OSBPL3: variants seen among roughly 807,000 people sequenced by gnomAD.
The protein encoded by OSBPL3 is oxysterol-binding protein-related protein 3.
In OSBPL3, 65 loss-of-function variants were observed where a neutral mutation model predicts 120.1. The ratio of observed to expected loss-of-function variants is 0.54; its 90% CI spans 0.44 to 0.67. The LOEUF (loss-of-function observed/expected upper bound fraction) is 0.67, where lower values mean the gene tolerates loss of function less well. Ranked by LOEUF, OSBPL3 falls within the 30% of genes least tolerant of loss-of-function variation. The pLI is 0.00. For synonymous variants in OSBPL3, 416 were observed against 402.6 expected, an observed-to-expected ratio of 1.03 and a Z score of -0.40; for missense variants, 1,004 against 1,082.1, an observed-to-expected ratio of 0.93 and a Z score of 1.01.
intron 20 of OSBPL3, among the ~76,000 whole-genome samples, chr7:24,809,355 C>T (rs914655849): frequency 6.6e-6 from 1 of 152,164 alleles, no homozygotes; most frequent in Admixed American, 6.5e-5. Flanking sequence ...TCTGGAATCA[C>T]AGGAGTGATG....
In OSBPL3 at chr7:24,830,791, C is replaced by G. The variant is rs752641287; in HGVS notation, c.1861G>C (p.Gly621Arg). Residue 621 changes from glycine (G) to arginine (R), a missense_variant, in exon 16 of 23, where the codon GGC becomes CGC. Gly to Arg is a moderately radical substitution (Grantham distance 125). This residue lies in a region of OSBPL3 where 473 missense variants were observed against 568.0 expected (regional missense o/e 0.83). Coordinates refer to ENST00000313367, the MANE Select transcript of OSBPL3 (RefSeq NM_015550.4). This position sits in a 1 kb window ranked among gnomAD's most constrained non-coding sequence, Gnocchi z 4.4. ...ETYECIREDK[G>R]FQFFSEQVSH... is the part of the protein sequence containing the mutation. ...ACCTGTTCTGAAAAAAACTGGAAGC[C>G]CTTGTCCTCCCGAATACATTCATAT... 9 of 1,612,844 alleles carry G rather than the reference C, an allele frequency of 5.6e-6. No individual in the cohort carries two copies. In the African/African-American group the frequency reaches 1.1e-4, roughly 19 times the overall value.
At chr7:24,893,016 G>A (rs1242687719) in intron 1 of OSBPL3, among the ~76,000 whole-genome samples, 3 of 152,144 alleles carry the variant, frequency 2.0e-5, no homozygotes, top group Non-Finnish European at 4.4e-5. Context: ...CATTGCTGGT[G>A]GAACTGTAAA....
intron 16 of OSBPL3, among the ~76,000 whole-genome samples, chr7:24,829,678 G>A (rs1796139857): frequency 6.6e-6 from 1 of 152,098 alleles, no homozygotes; most frequent in African/African-American, 2.4e-5. Flanking sequence ...GAGTGGACGT[G>A]TTTGATTGCT....
In OSBPL3 at chr7:24,852,694, G is replaced by GA. The variant is rs1799309996; in HGVS notation, c.1028-61dup. ...GAGGCATAATTAAAAACAAAATACA[G>GA]AAAAAAACATATCTCTTATAAAAGA... On this transcript the variant is annotated intron_variant, in intron 10 of 22. Transcript: ENST00000313367. The surrounding 1 kb of genome is among the most constrained non-coding windows in gnomAD (Gnocchi z 4.1). 9.0e-7 allele frequency: 1 copy of GA among 1,117,238 alleles called. No homozygotes were observed. The allele number at this position is 1,117,238 out of a possible 1,614,324, so 69.2% of individuals were successfully genotyped here.
chr7:24,884,769 C>T (rs1289573030), intron 2 of OSBPL3, among the ~76,000 whole-genome samples: 1 of 152,168 alleles, frequency 6.6e-6, no homozygotes, highest in Non-Finnish European at 1.5e-5. Flanking sequence ...AACTTATAAA[C>T]AGCCGGAGAT....
At position 24,942,467 on chromosome 7, in the gene OSBPL3, G is replaced by A. The variant is rs527584586; in HGVS notation, c.-150+37419C>T. Among the ~76,000 whole-genome samples, 213 of 145,860 alleles carry A rather than the reference G, an allele frequency of 1.5e-3. 1 individual carries two copies. The highest frequency in any genetic ancestry group is 4.6e-3 in the African/African-American group (180 of 38,996). ...CTTCACGGGCCTCTTCTCTGTCATG[G>A]TAATCCATGCATTCCACGCTGATCA... On this transcript the variant is annotated intron_variant, in intron 1 of 22. Coordinates refer to ENST00000313367, the MANE Select transcript of OSBPL3 (RefSeq NM_015550.4).
chr7:24,890,403 C>T (rs916803387), intron 2 of OSBPL3, among the ~76,000 whole-genome samples: 2 of 152,212 alleles, frequency 1.3e-5, no homozygotes, highest in South Asian at 4.1e-4. Flanking sequence ...GTGAGGAAAG[C>T]TTCAAAGGTT....
intron 1 of OSBPL3, among the ~76,000 whole-genome samples, chr7:24,978,246 T>TA (rs1182118320): frequency 6.6e-6 from 1 of 152,236 alleles, no homozygotes; most frequent in East Asian, 1.9e-4. Context: ...TTCCCAACAG[T>TA]AAAAAAAGGA....
rs1811857903 is a variant in OSBPL3 at position 24,932,069 on chromosome 7, G to C, written c.-149-39448C>G. The stretch of plus-strand genomic sequence containing the variant: ...TGAATGATAATCTCTCCTTAACAAA[G>C]GCCAGAGGGCTTTCCCTACAGACTG... On this transcript the variant is annotated intron_variant, in intron 1 of 22. Transcript: ENST00000313367. This position sits in a 1 kb window ranked among gnomAD's most constrained non-coding sequence, Gnocchi z 5.6. 1.3e-5 allele frequency among the ~76,000 whole-genome samples: 2 copies of C among 151,854 alleles called. No individual in the cohort carries two copies. Among genetic ancestry groups the C allele is most frequent in the Admixed American group, 1.3e-4 (2 of 15,270 alleles).
At chr7:24,906,465 G>A (rs903184007) in intron 1 of OSBPL3, 1 of 201,012 alleles carries the variant, frequency 5.0e-6, no homozygotes, top group South Asian at 7.9e-5. Context: ...GCTCTGAGCT[G>A]CTCTTCCACC....
intron 2 of OSBPL3, among the ~76,000 whole-genome samples, chr7:24,890,509 T>G (rs1805185375): frequency 6.6e-6 from 1 of 152,130 alleles, no homozygotes; most frequent in African/African-American, 2.4e-5. Flanking sequence ...ACCCCGTGGA[T>G]GGAAACACTA....
In OSBPL3 at chr7:24,936,880, A is replaced by C. The variant is rs554151404; in HGVS notation, c.-150+43006T>G. On this transcript the variant is annotated intron_variant, in intron 1 of 22. Transcript: ENST00000313367. This position sits in a 1 kb window ranked among gnomAD's most constrained non-coding sequence, Gnocchi z 4.2. ...GTTGGAATGAGAGAATGGAATAGGAAGATAAATTATTGAGCTCTTAAAACT... is the reference window on the plus strand; with the variant it reads ...GTTGGAATGAGAGAATGGAATAGGACGATAAATTATTGAGCTCTTAAAACT... 3.3e-5 allele frequency among the ~76,000 whole-genome samples: 5 copies of C among 152,374 alleles called. No homozygotes were observed. In the East Asian group the frequency reaches 9.6e-4, roughly 29 times the overall value.
intron 1 of OSBPL3, among the ~76,000 whole-genome samples, chr7:24,934,362 G>C (rs1812132822): frequency 6.6e-6 from 1 of 151,954 alleles, no homozygotes; most frequent in Non-Finnish European, 1.5e-5. Context: ...ATAATAGCCG[G>C]GAATAGAACA....
rs913880455 is a variant in OSBPL3 at position 24,916,924 on chromosome 7, C to A, written c.-149-24303G>T. 2.6e-5 allele frequency among the ~76,000 whole-genome samples: 4 copies of A among 151,612 alleles called. No homozygotes were observed. Among genetic ancestry groups the A allele is most frequent in the African/African-American group, 4.9e-5 (2 of 41,178 alleles). ...TAAGACGTCTTCCATTTCCACCCCC[C>A]CCAACCTTTTTAGAAAATTAAATAA... On this transcript the variant is annotated intron_variant, in intron 1 of 22. Transcript: ENST00000313367. This position sits in a 1 kb window ranked among gnomAD's most constrained non-coding sequence, Gnocchi z 4.9.
rs750742222 is a variant in OSBPL3 at position 24,809,942 on chromosome 7, A to G, written c.2182T>C (p.Trp728Arg). 1.2e-6 allele frequency: 2 copies of G among 1,614,182 alleles called. No individual in the cohort carries two copies. Among genetic ancestry groups the G allele is most frequent in the South Asian group, 1.1e-5 (1 of 91,090 alleles). The change falls in exon 20 of 23, where the codon TGG becomes CGG. Residue 728 changes from tryptophan (W) to arginine (R), a missense_variant. Transcript: ENST00000313367. ...TCAATCTCATGGGCATTAGTGCTCCAGTATTTTGCCTAGGATTCAAATGAG... is the reference window on the plus strand; with the variant it reads ...TCAATCTCATGGGCATTAGTGCTCCGGTATTTTGCCTAGGATTCAAATGAG... The part of the protein sequence containing the change: ...CKVNFIKAKY[W>R]STNAHEIEGT...
intron 1 of OSBPL3, among the ~76,000 whole-genome samples, chr7:24,915,121 G>T (rs1011054400): frequency 1.2e-4 from 18 of 152,150 alleles, no homozygotes; most frequent in Non-Finnish European, 2.5e-4. Context: ...CAGGGAGAGA[G>T]AATGAGAAAT....
rs1802358218 is a variant in OSBPL3, at chr7:24,872,829, C to T, written c.97-760G>A. 1.3e-5 allele frequency among the ~76,000 whole-genome samples: 2 copies of T among 152,006 alleles called. No individual in the cohort carries two copies. The highest frequency in any genetic ancestry group is 1.5e-5 in the Non-Finnish European group (1 of 68,008). ...GAATTTTAAAAGAAATAGAAGAACACTAAAAGTTCTGAAAATTTACTTTTA... is the reference window on the plus strand; with the variant it reads ...GAATTTTAAAAGAAATAGAAGAACATTAAAAGTTCTGAAAATTTACTTTTA... On this transcript the variant is annotated intron_variant, in intron 2 of 22. Coordinates refer to ENST00000313367, the MANE Select transcript of OSBPL3 (RefSeq NM_015550.4). The surrounding 1 kb of genome is among the most constrained non-coding windows in gnomAD (Gnocchi z 4.1).
At chr7:24,975,284 G>C (rs957688834) in intron 1 of OSBPL3, among the ~76,000 whole-genome samples, 2 of 152,192 alleles carry the variant, frequency 1.3e-5, no homozygotes, top group African/African-American at 4.8e-5. Flanking sequence ...TTGGTCCAAA[G>C]ATGAGAGCAA....
intron 5 of OSBPL3, among the ~76,000 whole-genome samples, chr7:24,868,938 T>G (rs1252790008): frequency 2.0e-5 from 3 of 152,196 alleles, no homozygotes; most frequent in African/African-American, 7.2e-5. Flanking sequence ...CAGGGTCCTG[T>G]TCCAGTCTCT....
Sources: gnomAD v4.1 joint callset for allele counts (sites outside exome capture counted in the v4.1 genomes callset) on GRCh38, gnomAD v4.1.1 for gene constraint, gnomAD v4.1.1 regional missense constraint, Gnocchi (gnomAD v3.1) non-coding constraint, MANE v1.5 for transcripts, NCBI Gene and HGNC (gene_info 2026-07-23, HGNC 2026-07-21) for gene names.